The following AP4S1 variants were observed in gnomAD, a reference collection of about 807,000 sequenced individuals.
AP4S1 encodes the protein adaptor related protein complex 4 subunit sigma 1, also known as AP-4 complex subunit sigma-1.
AP4S1 carries 23 observed loss-of-function variants against 19.8 expected under a neutral mutation model. The observed-to-expected ratio is 1.16, with a 90% CI of 0.84 to 1.65. AP4S1 has a LOEUF of 1.65. Ranked by LOEUF, AP4S1 falls within the 40% of genes most tolerant of loss-of-function variation. The probability of loss-of-function intolerance (pLI) is 0.00; values close to 1 mark genes in which losing one functional copy is unlikely to be tolerated. For missense variants in AP4S1, 166 were observed against 172.8 expected, an observed-to-expected ratio of 0.96 and a Z score of 0.22; for synonymous variants, 46 against 54.1, an observed-to-expected ratio of 0.85 and a Z score of 0.66.
chr14:31,087,544 A>G (rs1263136514), intron 5 of AP4S1, among the ~76,000 whole-genome samples: 1 of 152,004 alleles, frequency 6.6e-6, no homozygotes, highest in Non-Finnish European at 1.5e-5. Context: ...TAATAGACAC[A>G]GGATTTTGCC....
chr14:31,071,714 G>A (rs1444744612), intron 3 of AP4S1, among the ~76,000 whole-genome samples: 3 of 150,394 alleles, frequency 2.0e-5, no homozygotes, highest in East Asian at 2.0e-4. Flanking sequence ...CACCGCACCC[G>A]GCCTAAATTT....
intron 1 of AP4S1, among the ~76,000 whole-genome samples, chr14:31,061,671 TCTCG>T: frequency 6.6e-6 from 1 of 150,620 alleles, no homozygotes; most frequent in African/African-American, 2.4e-5. Flanking sequence ...TGAGATGGAG[TCTCG>T]CTCTGTCACC....
At chr14:31,029,690 G>C (rs922902673) in intron 1 of AP4S1, among the ~76,000 whole-genome samples, 3 of 152,060 alleles carry the variant, frequency 2.0e-5, no homozygotes, top group Admixed American at 1.3e-4. Context: ...GGCCACGTGA[G>C]TCTGTAGTCC....
chr14:31,062,265 A>AT (rs1431575820), intron 1 of AP4S1, among the ~76,000 whole-genome samples: 1 of 151,748 alleles, frequency 6.6e-6, no homozygotes, highest in Non-Finnish European at 1.5e-5. Context: ...TGTCCAGCTA[A>AT]TTTTTGTATT....
At chr14:31,069,233 G>A (rs922907117) in intron 2 of AP4S1, among the ~76,000 whole-genome samples, 1 of 152,192 alleles carries the variant, frequency 6.6e-6, no homozygotes, top group African/African-American at 2.4e-5. Flanking sequence ...CCATGTGTCA[G>A]TGGTGGCAGG....
intron 5 of AP4S1, chr14:31,085,127 A>C: frequency 7.7e-7 from 1 of 1,300,504 alleles, no homozygotes; most frequent in Non-Finnish European, 9.8e-7. Context: ...GGCCCATTCT[A>C]TGTCTGCTTC....
intron 4 of AP4S1, among the ~76,000 whole-genome samples, chr14:31,076,940 A>T (rs1477325079): frequency 2.6e-5 from 4 of 151,604 alleles, no homozygotes; most frequent in Non-Finnish European, 5.9e-5. Flanking sequence ...TTTTATTTTT[A>T]TTTTTTTTGA....
At chr14:31,032,405 G>T (rs927089088) in intron 1 of AP4S1, among the ~76,000 whole-genome samples, 3 of 152,032 alleles carry the variant, frequency 2.0e-5, no homozygotes, top group African/African-American at 7.3e-5. Flanking sequence ...AAATAAATCA[G>T]AAGTAGATAA....
intron 2 of AP4S1, 45 bp from the exon 3 acceptor site, chr14:31,069,797 CT>C: frequency 7.0e-7 from 1 of 1,423,786 alleles, no homozygotes; most frequent in Non-Finnish European, 9.9e-7. Context: ...TTTTAAAGAA[CT>C]CTCTCTCAGC....
intron 1 of AP4S1, among the ~76,000 whole-genome samples, chr14:31,037,036 T>G (rs1282786344): frequency 1.3e-5 from 2 of 151,988 alleles, no homozygotes; most frequent in African/African-American, 4.8e-5. Flanking sequence ...ATGGTCTCGA[T>G]CTCTTGACCT....
chr14:31,083,400 CTT>C (rs1212511062), intron 5 of AP4S1: 3 of 438,694 alleles, frequency 6.8e-6, no homozygotes, highest in Non-Finnish European at 9.0e-6. Flanking sequence ...AATATTATGT[CTT>C]TGCTCCAGGT....
chr14:31,082,751 C>G (rs964147793), intron 5 of AP4S1, among the ~76,000 whole-genome samples: 6 of 152,092 alleles, frequency 3.9e-5, no homozygotes, highest in African/African-American at 1.4e-4. Context: ...AAAAAATTAG[C>G]CGGGCGCGGT....
At chr14:31,058,227 G>A (rs1594667794) in intron 1 of AP4S1, among the ~76,000 whole-genome samples, 2 of 152,078 alleles carry the variant, frequency 1.3e-5, no homozygotes, top group East Asian at 3.9e-4. Flanking sequence ...ACCTCGCCTG[G>A]CCCCGTATTC....
chr14:31,082,767 G>A (rs1426890520), intron 5 of AP4S1, among the ~76,000 whole-genome samples: 1 of 152,038 alleles, frequency 6.6e-6, no homozygotes, highest in Admixed American at 6.6e-5. Flanking sequence ...GCGGTGGCGG[G>A]CGCCTGTAGT....
At chr14:31,066,400 A>T in intron 2 of AP4S1, 66 bp downstream of exon 2, 1 of 1,588,986 alleles carries the variant, frequency 6.3e-7, no homozygotes, top group East Asian at 2.2e-5. Context: ...GTTATTAGTG[A>T]GTCTCAGGGG....
chr14:31,054,834 C>T (rs1886007565), intron 1 of AP4S1, among the ~76,000 whole-genome samples: 1 of 127,836 alleles, frequency 7.8e-6, no homozygotes, highest in East Asian at 2.3e-4. Flanking sequence ...CACCACTACA[C>T]TGTAGCCTGG....
Position 31,093,091 on chromosome 14 carries a change from A to ACAT in AP4S1, c.*58_*60dup. On this transcript the variant is annotated 3_prime_UTR_variant, in exon 6 of 6. Transcript: ENST00000542754. ...ATCAGAAATGCGAGTACCGTGGAATACATCTCAACATGTTAACCCAGAAGA... is the reference window on the plus strand; with the variant it reads ...ATCAGAAATGCGAGTACCGTGGAATACATCATCTCAACATGTTAACCCAGAAGA... 2 of 1,503,494 alleles carry ACAT rather than the reference A, an allele frequency of 1.3e-6. No individual in the cohort carries two copies. The highest frequency in any genetic ancestry group is 2.6e-5 in the South Asian group (2 of 76,276). The allele number at this position is 1,503,494 out of a possible 1,614,324, so 93.1% of individuals were successfully genotyped here.
At chr14:31,035,193 CTTTTTTTT>C (rs11393950) in intron 1 of AP4S1, among the ~76,000 whole-genome samples, 1 of 103,626 alleles carries the variant, frequency 9.7e-6, no homozygotes, top group Non-Finnish European at 1.8e-5. Context: ...ATGGTAATTC[CTTTTTTTT>C]TTTTTTTTTT....
At chr14:31,049,968 CTG>C (rs1234775201) in intron 1 of AP4S1, among the ~76,000 whole-genome samples, 1 of 152,170 alleles carries the variant, frequency 6.6e-6, no homozygotes, top group Non-Finnish European at 1.5e-5. Context: ...GTCGCCTAGA[CTG>C]GAGTGCAGTG....
Sources: allele counts gnomAD v4.1 joint callset (sites outside exome capture counted in the v4.1 genomes callset), GRCh38; gene constraint gnomAD v4.1.1; transcripts MANE v1.5; gene names NCBI Gene and HGNC (gene_info 2026-07-23, HGNC 2026-07-21).